The following TMEFF2 variants were observed in gnomAD, a reference collection of about 807,000 sequenced individuals.
The protein encoded by TMEFF2 is transmembrane protein with EGF like and two follistatin like domains 2, also known as tomoregulin-2.
A neutral mutation model predicts 53.8 loss-of-function variants in TMEFF2; 28 were observed. That is an observed-to-expected ratio of 0.52 (90% CI 0.39 to 0.71). The LOEUF (loss-of-function observed/expected upper bound fraction) is 0.71. Among genes scored for constraint, TMEFF2 ranks in the 30% least tolerant of loss-of-function variants. The pLI is 0.00. For synonymous variants in TMEFF2, 162 were observed against 166.3 expected, an observed-to-expected ratio of 0.97 and a Z score of 0.20; for missense variants, 353 against 455.2, an observed-to-expected ratio of 0.78 and a Z score of 2.04.
chr2:192,139,098 A>AG (rs2105987689), intron 4 of TMEFF2, among the ~76,000 whole-genome samples: 1 of 152,324 alleles, frequency 6.6e-6, no homozygotes, highest in East Asian at 1.9e-4. Context: ...CAACATATGA[A>AG]GGGAAGAACA....
chr2:191,951,926 A>C (rs1444333715), intron 9 of TMEFF2, among the ~76,000 whole-genome samples: 1 of 152,140 alleles, frequency 6.6e-6, no homozygotes, highest in Admixed American at 6.5e-5. Flanking sequence ...AAAATAGCTT[A>C]CTCTAATTTG....
chr2:192,093,295 A>G (rs571104858), intron 4 of TMEFF2, among the ~76,000 whole-genome samples: 1 of 152,314 alleles, frequency 6.6e-6, no homozygotes, highest in East Asian at 1.9e-4. Context: ...GTGATGTTTT[A>G]GTGCTATGTA....
chr2:192,040,789 C>T (rs1481102292), intron 5 of TMEFF2, among the ~76,000 whole-genome samples: 1 of 152,170 alleles, frequency 6.6e-6, no homozygotes. Context: ...CATAGATCAC[C>T]GGAATAGAAT....
rs13003298 is a variant in TMEFF2 at position 191,985,888 on chromosome 2, G to T, written c.745+12374C>A. Among the ~76,000 whole-genome samples the T allele has an allele frequency of 9.2e-3, 1,405 of 152,210 alleles. 14 individuals are homozygous for T. The highest frequency in any genetic ancestry group is 0.016 in the Non-Finnish European group (1,102 of 68,008). On this transcript the variant is annotated intron_variant, in intron 7 of 9. Transcript: ENST00000272771. ...TCAGGTCTATTCCTGTTCCAAGGAG[G>T]GTCTGTTACTTGGAGCCACCTAACA...
At chr2:192,118,947 A>G (rs1210715515) in intron 4 of TMEFF2, among the ~76,000 whole-genome samples, 1 of 152,134 alleles carries the variant, frequency 6.6e-6, no homozygotes, top group Non-Finnish European at 1.5e-5. Flanking sequence ...CTACTTGACA[A>G]TACAAGTTCT....
intron 5 of TMEFF2, among the ~76,000 whole-genome samples, chr2:192,050,478 A>G (rs1466441661): frequency 2.0e-5 from 3 of 150,878 alleles, no homozygotes; most frequent in African/African-American, 7.3e-5. Context: ...TACTTTCATA[A>G]CCCTCCTTTT....
chr2:191,954,583 A>G (rs923926480), intron 8 of TMEFF2, among the ~76,000 whole-genome samples: 1 of 152,122 alleles, frequency 6.6e-6, no homozygotes, highest in Admixed American at 6.5e-5. Context: ...GTTTTGGATG[A>G]AACATTCTCT....
intron 4 of TMEFF2, among the ~76,000 whole-genome samples, chr2:192,086,874 C>T (rs1031280351): frequency 1.3e-5 from 2 of 151,832 alleles, no homozygotes; most frequent in African/African-American, 4.8e-5. Flanking sequence ...CCAATTTTCC[C>T]TTTTGACTTA....
chr2:191,975,625 C>G (rs1261047391), intron 7 of TMEFF2, among the ~76,000 whole-genome samples: 1 of 151,730 alleles, frequency 6.6e-6, no homozygotes, highest in Non-Finnish European at 1.5e-5. Context: ...TTTTATTGGT[C>G]TTGGGTCACT....
At chr2:192,081,631 C>T (rs886961275) in intron 4 of TMEFF2, among the ~76,000 whole-genome samples, 13 of 151,960 alleles carry the variant, frequency 8.6e-5, no homozygotes, top group Non-Finnish European at 1.6e-4. Context: ...ACTCCTAATG[C>T]TTTTTAACCA....
intron 7 of TMEFF2, among the ~76,000 whole-genome samples, chr2:191,979,700 A>G (rs1283097850): frequency 6.6e-6 from 1 of 151,994 alleles, no homozygotes; most frequent in Non-Finnish European, 1.5e-5. Flanking sequence ...GTTTGGAATT[A>G]TATTTTCTAT....
intron 4 of TMEFF2, among the ~76,000 whole-genome samples, chr2:192,098,239 C>T (rs1013365082): frequency 9.2e-5 from 14 of 152,236 alleles, no homozygotes; most frequent in African/African-American, 2.4e-4. Context: ...AGCAAAACAA[C>T]GTCAATTCAA....
intron 7 of TMEFF2, among the ~76,000 whole-genome samples, chr2:191,994,074 A>G (rs1442240092): frequency 2.0e-5 from 3 of 152,030 alleles, no homozygotes; most frequent in Admixed American, 2.0e-4. Flanking sequence ...GTGACTGCAA[A>G]TATTTGTTGA....
chr2:191,979,837 T>C (rs1685813023), intron 7 of TMEFF2, among the ~76,000 whole-genome samples: 1 of 151,504 alleles, frequency 6.6e-6, no homozygotes. Context: ...TATATCTATA[T>C]ATATCTCTAT....
chr2:192,069,549 G>A (rs1688239256), intron 4 of TMEFF2, among the ~76,000 whole-genome samples: 1 of 151,460 alleles, frequency 6.6e-6, no homozygotes, highest in Admixed American at 6.6e-5. Context: ...CCCACAAAAT[G>A]GTCTAAGAAA....
At chr2:192,094,199 T>G (rs138319047) in intron 4 of TMEFF2, among the ~76,000 whole-genome samples, 1 of 152,288 alleles carries the variant, frequency 6.6e-6, no homozygotes, top group East Asian at 1.9e-4. Context: ...AGTTTTTGAG[T>G]CTGTCAGCTT....
rs546190850 is a variant in TMEFF2, at chr2:192,016,951, T to C, written c.537-17743A>G. ...AAGAGGAAAAGACAAAAAAATTAAT[T>C]ACAGAGTGTTGTTTTAGAGGCAAAT... is the stretch of plus-strand genomic sequence containing the variant. On this transcript the variant is annotated intron_variant, in intron 5 of 9. Transcript: ENST00000272771. Among the ~76,000 whole-genome samples the C allele has an allele frequency of 7.9e-4, 120 of 152,316 alleles. 1 individual carries two copies. Among genetic ancestry groups the C allele is most frequent in the African/African-American group, 2.7e-3 (112 of 41,578 alleles).
intron 4 of TMEFF2, among the ~76,000 whole-genome samples, chr2:192,175,805 T>A (rs985467388): frequency 1.4e-4 from 21 of 151,488 alleles, no homozygotes; most frequent in Admixed American, 1.1e-3. Context: ...AATACATTTA[T>A]AATTATTTTG....
At chr2:191,950,474 C>T (rs968665481) in intron 9 of TMEFF2, 67 bp from the exon 10 acceptor site, 1 of 1,603,048 alleles carries the variant, frequency 6.2e-7, no homozygotes, top group Non-Finnish European at 8.5e-7. Context: ...CCTACAATCA[C>T]AGAATAAAGA....
Sources: gnomAD v4.1 joint callset for allele counts (sites outside exome capture counted in the v4.1 genomes callset) on GRCh38, gnomAD v4.1.1 for gene constraint, MANE v1.5 for transcripts, NCBI Gene and HGNC (gene_info 2026-07-23, HGNC 2026-07-21) for gene names.